The following TECPR2 variants were observed in gnomAD, a reference collection of about 807,000 sequenced individuals.
TECPR2 encodes tectonin beta-propeller repeat containing 2, also known as tectonin beta-propeller repeat-containing protein 2.
In TECPR2, 65 loss-of-function variants were observed where a neutral mutation model predicts 138.1. That is an observed-to-expected ratio of 0.47 (90% CI 0.39 to 0.58). The LOEUF is 0.58. Among genes scored for constraint, TECPR2 ranks in the 20% least tolerant of loss-of-function variants. The pLI is 0.00. For synonymous variants in TECPR2, 746 were observed against 749.8 expected, an observed-to-expected ratio of 0.99 and a Z score of 0.08; for missense variants, 1,553 against 1,824.5, an observed-to-expected ratio of 0.85 and a Z score of 2.71.
At chr14:102,393,765 G>T (rs1451680449) in intron 2 of TECPR2, among the ~76,000 whole-genome samples, 1 of 152,078 alleles carries the variant, frequency 6.6e-6, no homozygotes, top group Non-Finnish European at 1.5e-5. Context: ...TCTCCATGTG[G>T]GCCAGGCTGG....
intron 2 of TECPR2, among the ~76,000 whole-genome samples, chr14:102,382,980 A>G (rs1887879934): frequency 6.6e-6 from 1 of 152,102 alleles, no homozygotes; most frequent in South Asian, 2.1e-4. Context: ...CTGGTCTCGA[A>G]CGCCAGACTT....
chr14:102,394,255 A>T (rs1037202091), intron 2 of TECPR2, among the ~76,000 whole-genome samples: 1 of 152,118 alleles, frequency 6.6e-6, no homozygotes, highest in African/African-American at 2.4e-5. Flanking sequence ...GGGCCTCTGG[A>T]GAGTGTCACA....
At chr14:102,477,141 G>A (rs1332024036) in intron 17 of TECPR2, among the ~76,000 whole-genome samples, 2 of 152,206 alleles carry the variant, frequency 1.3e-5, no homozygotes, top group African/African-American at 2.4e-5. Context: ...AGGCCAGGGC[G>A]GGTGGATGAC....
chr14:102,367,994 C>CTTTTTT (rs56325877), intron 1 of TECPR2, among the ~76,000 whole-genome samples: 1 of 65,806 alleles, frequency 1.5e-5, no homozygotes, highest in Admixed American at 1.9e-4. Flanking sequence ...GCTTATTGGC[C>CTTTTTT]TTTTTTTTTT....
intron 9 of TECPR2, 111 bp from the exon 10 acceptor site, chr14:102,437,911 C>T (rs761467300): frequency 7.8e-6 from 10 of 1,278,098 alleles, no homozygotes; most frequent in Middle Eastern, 2.6e-4. Context: ...TCTTGCTGAC[C>T]CGTTTTACCG....
intron 15 of TECPR2, among the ~76,000 whole-genome samples, chr14:102,451,390 G>A (rs1230099865): frequency 6.6e-6 from 1 of 152,248 alleles, no homozygotes; most frequent in Non-Finnish European, 1.5e-5. Context: ...CTAGGATGCA[G>A]GTGACTGGGT....
In TECPR2 at chr14:102,434,824, T is replaced by C. The variant is rs1889613952; in HGVS notation, c.2007T>C (p.Ala669=). 4.3e-6 allele frequency: 7 copies of C among 1,613,376 alleles called. No individual in the cohort carries two copies. Among genetic ancestry groups the C allele is most frequent in the Non-Finnish European group, 5.1e-6 (6 of 1,179,996 alleles). ...SAEQWLPGTR[A]DEGSPVEPSQ... is the part of the protein sequence containing the mutation. ...AACAGTGGCTGCCTGGGACCAGAGC[T>C]GATGAAGGCAGCCCCGTGGAGCCCA... The change falls in exon 9 of 20, where the codon GCT becomes GCC. Residue 669 remains alanine, a synonymous_variant. Coordinates refer to ENST00000359520, the MANE Select transcript of TECPR2 (RefSeq NM_014844.5).
At chr14:102,467,517 G>A (rs922890545) in intron 17 of TECPR2, among the ~76,000 whole-genome samples, 1 of 151,810 alleles carries the variant, frequency 6.6e-6, no homozygotes, top group African/African-American at 2.4e-5. Context: ...GAGAGACGGG[G>A]TTTCACCATA....
At chr14:102,368,990 C>G (rs1006771570) in intron 1 of TECPR2, among the ~76,000 whole-genome samples, 1 of 152,112 alleles carries the variant, frequency 6.6e-6, no homozygotes. Context: ...TGTTACCTGC[C>G]GGACAATTGT....
intron 2 of TECPR2, among the ~76,000 whole-genome samples, chr14:102,401,362 C>T (rs911500000): frequency 3.4e-5 from 5 of 149,230 alleles, no homozygotes; most frequent in Non-Finnish European, 7.4e-5. Flanking sequence ...ATGCTTGAAC[C>T]TGGGTGACAG....
At chr14:102,441,032 C>G (rs1889814670) in intron 11 of TECPR2, among the ~76,000 whole-genome samples, 1 of 151,898 alleles carries the variant, frequency 6.6e-6, no homozygotes, top group Admixed American at 6.6e-5. Context: ...TATATACTTA[C>G]TTACCCGTGG....
At chr14:102,462,974 G>A (rs1420961573) in intron 16 of TECPR2, among the ~76,000 whole-genome samples, 1 of 152,114 alleles carries the variant, frequency 6.6e-6, no homozygotes, top group African/African-American at 2.4e-5. Flanking sequence ...TCCTTAGCAG[G>A]AAATACAAAT....
At chr14:102,402,303 G>A (rs1275615236) in intron 2 of TECPR2, among the ~76,000 whole-genome samples, 1 of 151,948 alleles carries the variant, frequency 6.6e-6, no homozygotes, top group Admixed American at 6.6e-5. Flanking sequence ...CAACCAAAGG[G>A]TAAATAAAGA....
chr14:102,453,748 A>C (rs993825556), intron 16 of TECPR2, among the ~76,000 whole-genome samples: 1 of 151,384 alleles, frequency 6.6e-6, no homozygotes, highest in African/African-American at 2.4e-5. Flanking sequence ...ACTTAGAACC[A>C]GCATTTGGTT....
Position 102,482,867 on chromosome 14 carries a change from G to A in TECPR2, c.3790-14112G>A, listed in dbSNP as rs553991188. The stretch of plus-strand genomic sequence containing the variant: ...TTTTTTTTTTTTTTTTTTTTGAGAC[G>A]GAGTCTCGCTCTGTCGCCCAGGCTG... On this transcript the variant is annotated intron_variant, in intron 17 of 19. Coordinates refer to ENST00000359520, the MANE Select transcript of TECPR2 (RefSeq NM_014844.5). Among the ~76,000 whole-genome samples, 9 of 123,508 alleles carry A rather than the reference G, an allele frequency of 7.3e-5. No homozygotes were observed. In the East Asian group the frequency reaches 7.7e-4, roughly 11 times the overall value. 81.0% of individuals were successfully genotyped at this position (123,508 alleles called of 152,430 possible). A position where few individuals can be genotyped will look rare whatever the true frequency, so the allele number is the denominator to read the frequency against.
rs145487638 is a variant in TECPR2 at position 102,494,285 on chromosome 14, G to A, written c.3790-2694G>A. Among the ~76,000 whole-genome samples, 598 of 152,344 alleles carry A rather than the reference G, an allele frequency of 3.9e-3. 3 individuals carry two copies. The highest frequency in any genetic ancestry group is 0.014 in the African/African-American group (573 of 41,586). ...TGGCTGGGCGCAGTGGCTCACACCT[G>A]TAATCCCAGCACCTTGGGAAGCCGA... On this transcript the variant is annotated intron_variant, in intron 17 of 19. Transcript: ENST00000359520.
chr14:102,459,036 CGGAGTGT>C (rs1890343444), intron 16 of TECPR2, among the ~76,000 whole-genome samples: 1 of 150,630 alleles, frequency 6.6e-6, no homozygotes, highest in Non-Finnish European at 1.5e-5. Flanking sequence ...AGTTTACACA[CGGAGTGT>C]GTAGGGACTT....
At chr14:102,440,372 G>C in intron 10 of TECPR2, 64 bp from the exon 11 acceptor site, 3 of 1,571,258 alleles carry the variant, frequency 1.9e-6, no homozygotes, top group Non-Finnish European at 2.6e-6. Flanking sequence ...CCAGCATGAA[G>C]ACTTTTGTAT....
Position 102,420,024 on chromosome 14 carries a change from CCTT to C in TECPR2, c.639-4949_639-4947del, listed in dbSNP as rs1298823634. ...GATCTCTGGCAGGGCTTCTGTGGATCCTTCTTCTCACTCAGCTTAGACTTTCAG... is the reference window on the plus strand; with the variant it reads ...GATCTCTGGCAGGGCTTCTGTGGATCCTTCTCACTCAGCTTAGACTTTCAG... On this transcript the variant is annotated intron_variant, in intron 5 of 19. Coordinates refer to ENST00000359520, the MANE Select transcript of TECPR2 (RefSeq NM_014844.5). This position sits in a 1 kb window ranked among gnomAD's most constrained non-coding sequence, Gnocchi z 4.1. Among the ~76,000 whole-genome samples the C allele has an allele frequency of 6.6e-6, 1 of 152,148 alleles. No individual in the cohort carries two copies. Among genetic ancestry groups the C allele is most frequent in the Non-Finnish European group, 1.5e-5 (1 of 68,024 alleles).
Sources: allele counts gnomAD v4.1 joint callset (sites outside exome capture counted in the v4.1 genomes callset), GRCh38; gene constraint gnomAD v4.1.1; non-coding constraint Gnocchi (gnomAD v3.1); transcripts MANE v1.5; gene names NCBI Gene and HGNC (gene_info 2026-07-23, HGNC 2026-07-21).